LRR1: variants seen among roughly 807,000 people sequenced by gnomAD.
The protein encoded by LRR1 is leucine-rich repeat protein 1.
In LRR1, 29 loss-of-function variants were observed where a neutral mutation model predicts 31.6. The observed-to-expected ratio is 0.92, with a 90% confidence interval of 0.68 to 1.25. LRR1 has a LOEUF of 1.25. Ranked by LOEUF, LRR1 falls within the 50% of genes most tolerant of loss-of-function variation. LRR1 has a pLI of 0.00. For missense variants in LRR1, 485 were observed against 487.2 expected, an observed-to-expected ratio of 1.00 and a Z score of 0.04; for synonymous variants, 179 against 181.4, an observed-to-expected ratio of 0.99 and a Z score of 0.10.
At position 49,599,068 on chromosome 14, in the gene LRR1, C is replaced by G; in HGVS notation, c.48C>G (p.Ala16=). The change falls in exon 1 of 4, where the codon GCC becomes GCG. Residue 16 remains alanine (A), a synonymous_variant. Coordinates refer to ENST00000298288, the MANE Select transcript of LRR1 (RefSeq NM_152329.4). ...EVEVISRHLP[A]LGLRNRGKGV... Reference sequence around the variant, plus strand: ...AGGTGATCAGCCGGCACTTGCCCGCCTTGGGGCTTAGGAACCGGGGCAAGG... The same window carrying G: ...AGGTGATCAGCCGGCACTTGCCCGCGTTGGGGCTTAGGAACCGGGGCAAGG... 6.2e-7 allele frequency: 1 copy of G among 1,609,824 alleles called. No homozygotes were observed. Among genetic ancestry groups the G allele is most frequent in the Non-Finnish European group, 8.5e-7 (1 of 1,178,216 alleles).
At chr14:49,600,078 T>A (rs28405032) in intron 1 of LRR1, 821,722 of 1,598,712 alleles carry the variant, frequency 0.51, 218,344 homozygotes, top group Non-Finnish European at 0.54. Context: ...ACTCATGAGC[T>A]GTGCCAACGA....
chr14:49,605,490 A>G (rs759483804), intron 2 of LRR1, among the ~76,000 whole-genome samples: 2 of 152,220 alleles, frequency 1.3e-5, no homozygotes, highest in Non-Finnish European at 2.9e-5. Context: ...ACTGTCTCAG[A>G]GATCACTGAT....
chr14:49,608,601 C>G lies in LRR1; in HGVS notation c.1004+480C>G, dbSNP rs28396798. ...GATCTAAACCATGTATACCCTGCTC[C>G]TAGCATATATTAAGCACTCAATAAG... On this transcript the variant is annotated intron_variant, in intron 3 of 3. Coordinates refer to ENST00000298288, the MANE Select transcript of LRR1 (RefSeq NM_152329.4). Among the ~76,000 whole-genome samples the G allele has an allele frequency of 1.1e-4, 17 of 150,878 alleles. No homozygotes were observed. In the East Asian group the frequency reaches 3.3e-3, roughly 29 times the overall value.
intron 3 of LRR1, among the ~76,000 whole-genome samples, chr14:49,609,826 C>A (rs1328523361): frequency 1.3e-5 from 2 of 152,126 alleles, no homozygotes; most frequent in African/African-American, 4.8e-5. Context: ...CCTGCCTCAG[C>A]CTTCCGAGTA....
At chr14:49,610,039 T>A (rs1036050398) in intron 3 of LRR1, among the ~76,000 whole-genome samples, 1 of 151,690 alleles carries the variant, frequency 6.6e-6, no homozygotes. Context: ...ACACCTGACC[T>A]ATTTAACCTC....
chr14:49,606,493 A>G (rs558854557), intron 2 of LRR1, among the ~76,000 whole-genome samples: 1 of 140,902 alleles, frequency 7.1e-6, no homozygotes, highest in Non-Finnish European at 1.5e-5. Context: ...CATGCGCCAC[A>G]TTGCCCAGCT....
rs746422046 is a variant in LRR1 at position 49,609,217 on chromosome 14, C to CTTTTT, written c.1004+1118_1004+1122dup. ...CAGGCTTGAGCCACCACACCTGGCC[C>CTTTTT]TTTTTTTTTTTTTTTTTTTTTTTTT... On this transcript the variant is annotated intron_variant, in intron 3 of 3. Transcript: ENST00000298288. 1.0e-4 allele frequency among the ~76,000 whole-genome samples: 8 copies of CTTTTT among 76,906 alleles called. 1 individual carries two copies. The highest frequency in any genetic ancestry group is 3.9e-4 in the African/African-American group (7 of 18,060). The allele number at this position is 76,906 out of a possible 152,430, so 50.5% of individuals were successfully genotyped here.
Position 49,607,996 on chromosome 14 carries a change from T to C in LRR1, c.879T>C (p.Asn293=), listed in dbSNP as rs919914514. The change falls in exon 3 of 4, where the codon AAT becomes AAC. Residue 293 remains asparagine, a synonymous_variant. Transcript: ENST00000298288. ...CATTTTTGCCTAGTGAATTTAGAAATTTATCCCTTGAATACTTGGATCTTT... is the reference window on the plus strand; with the variant it reads ...CATTTTTGCCTAGTGAATTTAGAAACTTATCCCTTGAATACTTGGATCTTT... The part of the protein sequence containing the change: ...KLPFLPSEFR[N]LSLEYLDLFG... 2 of 1,613,986 alleles carry C rather than the reference T, an allele frequency of 1.2e-6. No individual in the cohort carries two copies. The highest frequency in any genetic ancestry group is 2.2e-5 in the East Asian group (1 of 44,896).
At chr14:49,600,141 G>T in intron 1 of LRR1, 2 of 1,544,060 alleles carry the variant, frequency 1.3e-6, no homozygotes, top group Non-Finnish European at 9.0e-7. Flanking sequence ...CACAGTCAGC[G>T]TCACCGTGGG....
At chr14:49,606,797 C>T (rs763574276) in intron 2 of LRR1, among the ~76,000 whole-genome samples, 3 of 151,756 alleles carry the variant, frequency 2.0e-5, no homozygotes, top group Non-Finnish European at 4.4e-5. Context: ...GCTGGGATTA[C>T]AGGCATGCAC....
intron 1 of LRR1, chr14:49,600,569 A>T: frequency 6.3e-7 from 1 of 1,579,452 alleles, no homozygotes; most frequent in Non-Finnish European, 8.6e-7. Flanking sequence ...CTGTAAAAAA[A>T]AAAGAATAGG....
chr14:49,609,174 C>A (rs1882413600), intron 3 of LRR1, among the ~76,000 whole-genome samples: 1 of 148,706 alleles, frequency 6.7e-6, no homozygotes, highest in African/African-American at 2.5e-5. Flanking sequence ...GTCTTGGCCT[C>A]CCAAAGTGCT....
chr14:49,601,604 A>G lies in LRR1; in HGVS notation c.184-766A>G, dbSNP rs375141598. On this transcript the variant is annotated intron_variant, in intron 1 of 3. Coordinates refer to ENST00000298288, the MANE Select transcript of LRR1 (RefSeq NM_152329.4). ...CTCTCATGGAGTTTGTATATAACCT[A>G]CTGGGAGGTGTGCCCACCCCAGGCT... The G allele has an allele frequency of 1.6e-4, 212 of 1,289,114 alleles. 1 individual carries two copies. In the African/African-American group the frequency reaches 2.4e-3, roughly 15 times the overall value. 79.9% of individuals were successfully genotyped at this position (1,289,114 alleles called of 1,614,324 possible). A position where few individuals can be genotyped will look rare whatever the true frequency, so the allele number is the denominator to read the frequency against.
At chr14:49,609,229 T>TC (rs1882417583) in intron 3 of LRR1, among the ~76,000 whole-genome samples, 1 of 122,672 alleles carries the variant, frequency 8.2e-6, no homozygotes, top group Non-Finnish European at 1.7e-5. Flanking sequence ...TTTTTTTTTT[T>TC]TTTTTTTTTT....
Position 49,601,861 on chromosome 14 carries a change from C to T in LRR1, c.184-509C>T, listed in dbSNP as rs182605026. Among the ~76,000 whole-genome samples, 624 of 151,402 alleles carry T rather than the reference C, an allele frequency of 4.1e-3. 4 individuals are homozygous for T. The highest frequency in any genetic ancestry group is 0.014 in the African/African-American group (589 of 41,276). ...AAAACTTTAAAACTTGGCCACGCGC[C>T]GTGGCTCATGCCTGTAATCCCAGCA... is the stretch of plus-strand genomic sequence containing the variant. On this transcript the variant is annotated intron_variant, in intron 1 of 3. Coordinates refer to ENST00000298288, the MANE Select transcript of LRR1 (RefSeq NM_152329.4).
Position 49,599,035 on chromosome 14 carries a change from TG to T in LRR1, c.16del (p.Glu6ArgfsTer4), listed in dbSNP as rs1566489531. On this transcript the variant is annotated frameshift_variant, in exon 1 of 4. Coordinates refer to ENST00000298288, the MANE Select transcript of LRR1 (RefSeq NM_152329.4). LOFTEE classifies it high-confidence loss of function. MKLHC[E>X]VEVISRHLPA... is the part of the protein sequence containing the mutation. ...CGTTGGGCGAGATGAAGCTACACTGTGAGGTGGAGGTGATCAGCCGGCACTT... is the reference window on the plus strand; with the variant it reads ...CGTTGGGCGAGATGAAGCTACACTGTAGGTGGAGGTGATCAGCCGGCACTT... 2 of 1,609,394 alleles carry T rather than the reference TG, an allele frequency of 1.2e-6. No individual in the cohort carries two copies. The highest frequency in any genetic ancestry group is 2.2e-5 in the East Asian group (1 of 44,812).
At chr14:49,600,908 A>G in intron 1 of LRR1, 1 of 1,455,824 alleles carries the variant, frequency 6.9e-7, no homozygotes, top group Non-Finnish European at 9.2e-7. Flanking sequence ...GTAACTACAT[A>G]AAAAACAGAG....
rs1882323740 is a variant in LRR1 at position 49,607,380 on chromosome 14, T to A, written c.283-20T>A. 2.0e-6 allele frequency: 3 copies of A among 1,527,216 alleles called. No individual in the cohort carries two copies. The highest frequency in any genetic ancestry group is 2.8e-5 in the African/African-American group (2 of 71,812). The allele number at this position is 1,527,216 out of a possible 1,614,324, so 94.6% of individuals were successfully genotyped here. The stretch of plus-strand genomic sequence containing the variant: ...TTATCTCCAGTGGAATTTATAATTC[T>A]ACAACTTTTATTTATTCAGGCCATT... On this transcript the variant is annotated intron_variant, in intron 2 of 3. Transcript: ENST00000298288.
chr14:49,613,153 C>G (rs142965351), intron 3 of LRR1, among the ~76,000 whole-genome samples: 4,610 of 152,178 alleles, frequency 0.03, 112 homozygotes, highest in Middle Eastern at 0.079. Flanking sequence ...TCCTGGCTAA[C>G]ATGGTGAAAC....
Sources: allele counts gnomAD v4.1 joint callset (sites outside exome capture counted in the v4.1 genomes callset), GRCh38; gene constraint gnomAD v4.1.1; transcripts MANE v1.5; gene names NCBI Gene and HGNC (gene_info 2026-07-23, HGNC 2026-07-21).